Variants in B3GALT5 observed in about 807,000 individuals in gnomAD.
B3GALT5 encodes UDP-Gal:betaGlcNAc beta 1,3-galactosyltransferase, polypeptide 5.
For missense variants in B3GALT5, 328 were observed against 396.6 expected (o/e 0.83, Z 1.47); for synonymous variants, 156 against 158.6 (o/e 0.98, Z 0.12).
At chr21:39,647,180 G>A (rs2079348782) in intron 2 of B3GALT5, among the ~76,000 whole-genome samples, 1 of 152,220 alleles carries the variant, frequency 6.6e-6, no homozygotes, top group African/African-American at 2.4e-5. Flanking sequence ...AGAGGCAGAG[G>A]AAGTCCCTTG....
In B3GALT5 at chr21:39,663,744, G is replaced by A. The variant is rs1030478232; in HGVS notation, c.*2252G>A. The A allele has an allele frequency of 1.3e-5, 2 of 152,194 alleles. No individual in the cohort carries two copies. The highest frequency in any genetic ancestry group is 1.9e-4 in the East Asian group (1 of 5,196). The allele number at this position is 152,194 out of a possible 1,614,324, so 9.4% of individuals were successfully genotyped here. Reference sequence around the variant, plus strand: ...CTCCTCTTTTATGTGGGATGCAAACGAGGCTCAGAGAGACGTAACAACTTG... The same window carrying A: ...CTCCTCTTTTATGTGGGATGCAAACAAGGCTCAGAGAGACGTAACAACTTG... On this transcript the variant is annotated 3_prime_UTR_variant, in exon 4 of 4. Transcript: ENST00000684187.
At chr21:39,645,827 C>T (rs1235067340) in intron 1 of B3GALT5, among the ~76,000 whole-genome samples, 1 of 152,024 alleles carries the variant, frequency 6.6e-6, no homozygotes, top group Non-Finnish European at 1.5e-5. Context: ...TCCCTGTTAG[C>T]CAAACTGTCC....
Position 39,660,867 on chromosome 21 carries a change from C to T in B3GALT5, c.308C>T (p.Ala103Val). The change falls in exon 4 of 4, where the codon GCA (alanine) becomes GTA (valine). Residue 103 changes from alanine to valine, a missense_variant. Coordinates refer to ENST00000684187, the MANE Select transcript of B3GALT5 (RefSeq NM_001356336.2). ...TFFLLGTTSS[A>V]AETKEVDQES... ...TTCCTCCTGGGGACCACCAGCAGTG[C>T]AGCGGAAACGAAAGAGGTGGACCAG... The T allele has an allele frequency of 1.2e-6, 2 of 1,612,512 alleles. No homozygotes were observed. Among genetic ancestry groups the T allele is most frequent in the Non-Finnish European group, 1.7e-6 (2 of 1,179,276 alleles).
intron 1 of B3GALT5, among the ~76,000 whole-genome samples, chr21:39,631,949 G>A (rs551580782): frequency 4.6e-5 from 7 of 152,336 alleles, no homozygotes; most frequent in Admixed American, 2.6e-4. Context: ...AAAGCACAGC[G>A]TGGAGGTCTG....
intron 2 of B3GALT5, among the ~76,000 whole-genome samples, chr21:39,658,786 A>G (rs1298278078): frequency 6.6e-6 from 1 of 152,190 alleles, no homozygotes; most frequent in African/African-American, 2.4e-5. Flanking sequence ...AGGGGTGCCA[A>G]GCAGAGCAGG....
At chr21:39,654,697 C>T (rs1205323) in intron 2 of B3GALT5, among the ~76,000 whole-genome samples, 2 of 152,162 alleles carry the variant, frequency 1.3e-5, no homozygotes, top group Admixed American at 6.5e-5. Flanking sequence ...GAAATTGTCA[C>T]GACCACCCCA....
intron 2 of B3GALT5, among the ~76,000 whole-genome samples, chr21:39,647,207 C>A (rs1341382640): frequency 6.6e-6 from 1 of 152,192 alleles, no homozygotes; most frequent in African/African-American, 2.4e-5. Flanking sequence ...CAGGACATTG[C>A]CAGCCAACTG....
At chr21:39,650,920 A>G (rs546998090) in intron 2 of B3GALT5, among the ~76,000 whole-genome samples, 2 of 151,862 alleles carry the variant, frequency 1.3e-5, no homozygotes, top group African/African-American at 4.8e-5. Flanking sequence ...CAGCGCCAAC[A>G]CCCTCACTCA....
At chr21:39,647,408 T>C (rs1442364276) in intron 2 of B3GALT5, among the ~76,000 whole-genome samples, 1 of 152,166 alleles carries the variant, frequency 6.6e-6, no homozygotes, top group East Asian at 1.9e-4. Flanking sequence ...AGAATGATCA[T>C]ACTCCCTTGT....
At chr21:39,631,929 G>A (rs1024543654) in intron 1 of B3GALT5, among the ~76,000 whole-genome samples, 6 of 152,216 alleles carry the variant, frequency 3.9e-5, no homozygotes, top group African/African-American at 1.2e-4. Flanking sequence ...CTCCAGGGCA[G>A]TCTGGACAGA....
chr21:39,660,436 T>G (rs1418789238), intron 3 of B3GALT5, 124 bp from the exon 4 acceptor site: 5 of 748,416 alleles, frequency 6.7e-6, no homozygotes, highest in Admixed American at 5.9e-5. Context: ...ACCCGACTTC[T>G]GTATGCAGCG....
At chr21:39,653,105 A>G (rs2079411033) in intron 2 of B3GALT5, among the ~76,000 whole-genome samples, 1 of 152,172 alleles carries the variant, frequency 6.6e-6, no homozygotes, top group Non-Finnish European at 1.5e-5. Context: ...GTTCCCTTGC[A>G]GTCAATAATT....
chr21:39,644,993 C>T, intron 1 of B3GALT5, among the ~76,000 whole-genome samples: 1 of 152,042 alleles, frequency 6.6e-6, no homozygotes, highest in Middle Eastern at 3.2e-3. Flanking sequence ...AGATGATTGG[C>T]CCAAATTATG....
intron 2 of B3GALT5, among the ~76,000 whole-genome samples, chr21:39,653,430 A>G (rs779638832): frequency 2.6e-5 from 4 of 152,130 alleles, no homozygotes; most frequent in African/African-American, 4.8e-5. Context: ...TCCCTTTGCA[A>G]TCTGGCTCTT....
chr21:39,642,433 A>G (rs1260660312), intron 1 of B3GALT5, among the ~76,000 whole-genome samples: 1 of 152,222 alleles, frequency 6.6e-6, no homozygotes, highest in Non-Finnish European at 1.5e-5. Flanking sequence ...AAGGCATGGA[A>G]GGGCATTGGA....
At chr21:39,624,499 G>T (rs2079153651) in intron 1 of B3GALT5, among the ~76,000 whole-genome samples, 1 of 152,224 alleles carries the variant, frequency 6.6e-6, no homozygotes, top group African/African-American at 2.4e-5. Context: ...GTTTTGTAGG[G>T]AGTCTGGCAT....
At chr21:39,645,037 A>G (rs531230139) in intron 1 of B3GALT5, among the ~76,000 whole-genome samples, 37 of 152,224 alleles carry the variant, frequency 2.4e-4, no homozygotes, top group African/African-American at 8.2e-4. Context: ...AGCCCCAGGG[A>G]ATGGAGGCGT....
chr21:39,653,905 CTTA>C, intron 2 of B3GALT5, among the ~76,000 whole-genome samples: 1 of 152,324 alleles, frequency 6.6e-6, no homozygotes, highest in South Asian at 2.1e-4. Context: ...ACTCCACTCC[CTTA>C]TTATAGTAAA....
intron 2 of B3GALT5, 134 bp from the exon 3 acceptor site, chr21:39,659,618 TG>T: frequency 3.1e-6 from 1 of 325,822 alleles, no homozygotes; most frequent in Non-Finnish European, 4.4e-6. Context: ...AAAGTGAGGC[TG>T]GGATTGGGGC....
Sources: allele counts gnomAD v4.1 joint callset (sites outside exome capture counted in the v4.1 genomes callset), GRCh38; gene constraint gnomAD v4.1.1; transcripts MANE v1.5; gene names NCBI Gene and HGNC (gene_info 2026-07-23, HGNC 2026-07-21).